The following IMMP2L variants were observed in gnomAD, a reference collection of about 807,000 sequenced individuals.
IMMP2L encodes the protein mitochondrial inner membrane protease subunit 2.
In IMMP2L, 18 loss-of-function variants were observed where a neutral mutation model predicts 19.3. The ratio of observed to expected loss-of-function variants is 0.93; its 90% CI spans 0.64 to 1.38. The LOEUF (loss-of-function observed/expected upper bound fraction) is 1.38. Ranked by LOEUF, IMMP2L falls within the 40% of genes most tolerant of loss-of-function variation. The pLI is 0.00. For missense variants in IMMP2L, 233 were observed against 218.2 expected (o/e 1.07, Z -0.43); for synonymous variants, 76 against 73.0 (o/e 1.04, Z -0.21).
At chr7:110,812,467 A>G (rs1802114394) in intron 5 of IMMP2L, among the ~76,000 whole-genome samples, 1 of 152,082 alleles carries the variant, frequency 6.6e-6, no homozygotes, top group African/African-American at 2.4e-5. Flanking sequence ...GAAATGCAGT[A>G]TAATTCAGAA....
At chr7:110,703,087 C>T (rs1794397295) in intron 5 of IMMP2L, among the ~76,000 whole-genome samples, 1 of 152,102 alleles carries the variant, frequency 6.6e-6, no homozygotes, top group Non-Finnish European at 1.5e-5. Context: ...TTTATAGGTA[C>T]CTTTTTCAGA....
At chr7:111,370,146 G>T (rs757032542) in intron 3 of IMMP2L, among the ~76,000 whole-genome samples, 2 of 152,086 alleles carry the variant, frequency 1.3e-5, no homozygotes, top group South Asian at 4.2e-4. Context: ...GTGTTGTCAT[G>T]TGAAACTGAG....
At chr7:110,966,453 A>T (rs1819552377) in intron 3 of IMMP2L, among the ~76,000 whole-genome samples, 1 of 151,938 alleles carries the variant, frequency 6.6e-6, no homozygotes, top group Admixed American at 6.6e-5. Flanking sequence ...AGGTGAGATT[A>T]ACATTAATGA....
At chr7:111,086,213 G>A (rs1796312495) in intron 3 of IMMP2L, among the ~76,000 whole-genome samples, 2 of 149,712 alleles carry the variant, frequency 1.3e-5, no homozygotes, top group South Asian at 4.2e-4. Context: ...GTTCGCTTGA[G>A]AGCAGGCTGG....
intron 3 of IMMP2L, among the ~76,000 whole-genome samples, chr7:111,165,170 T>C (rs1805687974): frequency 6.6e-6 from 1 of 152,082 alleles, no homozygotes; most frequent in Admixed American, 6.6e-5. Flanking sequence ...AAAATCATAC[T>C]GTATCTCTCT....
intron 5 of IMMP2L, among the ~76,000 whole-genome samples, chr7:110,671,802 G>T (rs974025529): frequency 3.3e-5 from 5 of 152,214 alleles, no homozygotes; most frequent in Non-Finnish European, 7.4e-5. Context: ...AAATGCAAAA[G>T]AGCCTTGAGT....
Position 110,948,654 on chromosome 7 carries a change from G to A in IMMP2L, c.305+14846C>T, listed in dbSNP as rs1005250398. ...GCTTTGTCACTGCTCTCCAGTTAAGGTGCTATGCAGTGTTCTTGTAGTATA... is the reference window on the plus strand; with the variant it reads ...GCTTTGTCACTGCTCTCCAGTTAAGATGCTATGCAGTGTTCTTGTAGTATA... On this transcript the variant is annotated intron_variant, in intron 4 of 5. Coordinates refer to ENST00000405709, the MANE Select transcript of IMMP2L (RefSeq NM_032549.4). 3.3e-5 allele frequency among the ~76,000 whole-genome samples: 5 copies of A among 152,160 alleles called. 1 individual carries two copies. In the East Asian group the frequency reaches 7.7e-4, roughly 23 times the overall value.
At chr7:111,495,496 T>C (rs891678138) in intron 2 of IMMP2L, among the ~76,000 whole-genome samples, 7 of 152,222 alleles carry the variant, frequency 4.6e-5, no homozygotes, top group Non-Finnish European at 1.0e-4. Flanking sequence ...TCAAAGACTA[T>C]GCTGAAGGAT....
rs150562581 is a variant in IMMP2L, at chr7:111,048,805, A to C, written c.240-85240T>G. ...GAAGTGACCATAAATAAATTCATTTAAATAACTTACATTTCCTGAGCATCT... is the reference window on the plus strand; with the variant it reads ...GAAGTGACCATAAATAAATTCATTTCAATAACTTACATTTCCTGAGCATCT... On this transcript the variant is annotated intron_variant, in intron 3 of 5. Coordinates refer to ENST00000405709, the MANE Select transcript of IMMP2L (RefSeq NM_032549.4). Among the ~76,000 whole-genome samples the C allele has an allele frequency of 8.5e-5, 13 of 152,296 alleles. No individual in the cohort carries two copies. The East Asian group carries it at 2.5e-3, about 29-fold the overall frequency.
At chr7:111,136,113 C>T (rs555509238) in intron 3 of IMMP2L, among the ~76,000 whole-genome samples, 39 of 152,052 alleles carry the variant, frequency 2.6e-4, no homozygotes, top group Non-Finnish European at 3.8e-4. Flanking sequence ...ACTGCAACCT[C>T]GGCCTCCTGG....
intron 5 of IMMP2L, among the ~76,000 whole-genome samples, chr7:110,876,098 T>C (rs909275193): frequency 1.3e-5 from 2 of 152,154 alleles, no homozygotes; most frequent in African/African-American, 4.8e-5. Context: ...CCACAATGTG[T>C]TGATGTATTG....
At chr7:110,780,556 C>G (rs1799667302) in intron 5 of IMMP2L, among the ~76,000 whole-genome samples, 1 of 151,676 alleles carries the variant, frequency 6.6e-6, no homozygotes, top group East Asian at 1.9e-4. Flanking sequence ...ACTCTTCGAA[C>G]ACACAACCCT....
chr7:111,229,576 G>T (rs1813497757), intron 3 of IMMP2L, among the ~76,000 whole-genome samples: 1 of 151,968 alleles, frequency 6.6e-6, no homozygotes, highest in Admixed American at 6.6e-5. Context: ...TCTTTCTAGG[G>T]TTGATTGTGT....
At chr7:110,976,283 G>A (rs1473619314) in intron 3 of IMMP2L, among the ~76,000 whole-genome samples, 4 of 151,946 alleles carry the variant, frequency 2.6e-5, no homozygotes, top group African/African-American at 9.7e-5. Context: ...ATGATGATTA[G>A]ATCATAATAC....
At chr7:110,860,481 A>T (rs1189731264) in intron 5 of IMMP2L, among the ~76,000 whole-genome samples, 1 of 152,070 alleles carries the variant, frequency 6.6e-6, no homozygotes, top group Admixed American at 6.6e-5. Context: ...GTATATCTTA[A>T]ATTCTATACT....
intron 3 of IMMP2L, chr7:111,483,391 A>C (rs1444698338): frequency 6.6e-6 from 1 of 152,162 alleles, no homozygotes; most frequent in Non-Finnish European, 1.5e-5. Context: ...AATTCACCTT[A>C]CTCACCACTA....
intron 2 of IMMP2L, among the ~76,000 whole-genome samples, chr7:111,490,662 C>A (rs117382519): frequency 6.6e-6 from 1 of 152,024 alleles, no homozygotes; most frequent in African/African-American, 2.4e-5. Context: ...AGAAATGATT[C>A]CATTTCTTTC....
At chr7:111,510,959 A>G (rs1335995601) in intron 2 of IMMP2L, among the ~76,000 whole-genome samples, 1 of 151,294 alleles carries the variant, frequency 6.6e-6, no homozygotes, top group African/African-American at 2.4e-5. Flanking sequence ...AAAAGAATAC[A>G]AAACATCTGC....
intron 5 of IMMP2L, among the ~76,000 whole-genome samples, chr7:110,775,663 T>C (rs1017545757): frequency 1.3e-5 from 2 of 152,100 alleles, no homozygotes; most frequent in Admixed American, 1.3e-4. Context: ...TCTTTCATAA[T>C]TGAAAGCTCT....
Sources: allele counts gnomAD v4.1 joint callset (sites outside exome capture counted in the v4.1 genomes callset), GRCh38; gene constraint gnomAD v4.1.1; transcripts MANE v1.5; gene names NCBI Gene and HGNC (gene_info 2026-07-23, HGNC 2026-07-21).